The following SLC38A10 variants were observed in gnomAD, a reference collection of about 807,000 sequenced individuals.
The protein encoded by SLC38A10 is solute carrier family 38 member 10.
A neutral mutation model predicts 81.0 loss-of-function variants in SLC38A10; 53 were observed. The observed-to-expected ratio is 0.65, with a 90% confidence interval of 0.53 to 0.82. The LOEUF (loss-of-function observed/expected upper bound fraction) is 0.82. SLC38A10 is among the 40% of genes least tolerant of loss of function. The pLI, the probability that SLC38A10 is intolerant of heterozygous loss-of-function variation, is 0.00. For missense variants in SLC38A10, 1,471 were observed against 1,545.0 expected (o/e 0.95, Z 0.80); for synonymous variants, 665 against 655.3 (o/e 1.01, Z -0.23).
At chr17:81,250,789 C>T (rs2062903111) in intron 14 of SLC38A10, 7 of 978,030 alleles carry the variant, frequency 7.2e-6, no homozygotes, top group Admixed American at 1.1e-4. Flanking sequence ...GGCTCACAGA[C>T]GGGGCTGCTG....
chr17:81,256,600 C>G (rs2062974977), intron 11 of SLC38A10, among the ~76,000 whole-genome samples: 1 of 152,222 alleles, frequency 6.6e-6, no homozygotes, highest in Non-Finnish European at 1.5e-5. Flanking sequence ...AAGTGCCGCC[C>G]CAAGTTCAGG....
intron 11 of SLC38A10, among the ~76,000 whole-genome samples, chr17:81,259,646 C>T (rs1207055323): frequency 6.6e-6 from 1 of 152,186 alleles, no homozygotes; most frequent in Non-Finnish European, 1.5e-5. Flanking sequence ...CATCTCTGCA[C>T]CCCGGGCTGT....
Position 81,276,005 on chromosome 17 carries a change from G to A in SLC38A10, c.876C>T (p.Cys292=). The change falls in exon 8 of 16, where the codon TGC becomes TGT. Residue 292 remains cysteine (C), a synonymous_variant. Transcript: ENST00000374759. This position sits in a 1 kb window ranked among gnomAD's most constrained non-coding sequence, Gnocchi z 4.7. ...ACAGCAGCGTGCTCAGGGCCTGCCT[G>A]CATGGCAGGATCATCATGGGGAAGC... is the stretch of plus-strand genomic sequence containing the variant. ...AVGFPMMILP[C]RQALSTLLCE... 1 of 1,613,666 alleles carries A rather than the reference G, an allele frequency of 6.2e-7. No individual in the cohort carries two copies. Among genetic ancestry groups the A allele is most frequent in the Non-Finnish European group, 8.5e-7 (1 of 1,179,984 alleles).
In SLC38A10 at chr17:81,253,709, CCATCACCAT is replaced by C. The variant is rs1441169570; in HGVS notation, c.1289-478_1289-470del. On this transcript the variant is annotated intron_variant, in intron 11 of 15. Transcript: ENST00000374759. This position sits in a 1 kb window ranked among gnomAD's most constrained non-coding sequence, Gnocchi z 4.1. ...ACCAACATCACCATCATCACCATCA[CCATCACCAT>C]CATCACCATCTCCATCCCTACCACC... 6.7e-6 allele frequency among the ~76,000 whole-genome samples: 1 copy of C among 149,736 alleles called. No homozygotes were observed. Among genetic ancestry groups the C allele is most frequent in the Non-Finnish European group, 1.5e-5 (1 of 67,426 alleles).
Position 81,253,762 on chromosome 17 carries a change from G to A in SLC38A10, c.1289-522C>T, listed in dbSNP as rs200625603. Among the ~76,000 whole-genome samples the A allele has an allele frequency of 0.011, 487 of 45,140 alleles. 7 individuals carry two copies. Among genetic ancestry groups the A allele is most frequent in the African/African-American group, 0.019 (78 of 4,090 alleles). 29.6% of individuals were successfully genotyped at this position (45,140 alleles called of 152,430 possible). On this transcript the variant is annotated intron_variant, in intron 11 of 15. Transcript: ENST00000374759. This position sits in a 1 kb window ranked among gnomAD's most constrained non-coding sequence, Gnocchi z 4.1. ...TACCACCATCACCATCATCATCACC[G>A]TCACCATCATCACCATCTCCATCCC... is the stretch of plus-strand genomic sequence containing the variant.
chr17:81,279,308 G>A (rs1214765892), intron 6 of SLC38A10, among the ~76,000 whole-genome samples: 1 of 152,258 alleles, frequency 6.6e-6, no homozygotes, highest in Non-Finnish European at 1.5e-5. Context: ...GAAGGCACAA[G>A]GGAGACCTGG....
intron 15 of SLC38A10, 60 bp from the exon 16 acceptor site, chr17:81,246,733 G>A: frequency 6.7e-7 from 1 of 1,498,854 alleles, no homozygotes; most frequent in South Asian, 1.4e-5. Context: ...GCCAGTGGAG[G>A]GGCTCAGAAG....
chr17:81,252,824 C>G, intron 12 of SLC38A10, 141 bp from the exon 13 acceptor site: 1 of 1,344,972 alleles, frequency 7.4e-7, no homozygotes, highest in Non-Finnish European at 9.9e-7. Context: ...CTGCCGGCCT[C>G]CCTGCTGCCT....
chr17:81,255,055 C>G (rs1007913545), intron 11 of SLC38A10, among the ~76,000 whole-genome samples: 15 of 152,268 alleles, frequency 9.9e-5, no homozygotes, highest in African/African-American at 3.1e-4. Flanking sequence ...AGGGGGAGCT[C>G]TGTGTGGGTG....
rs147135566 is a variant in SLC38A10 at position 81,252,237 on chromosome 17, C to T, written c.1903G>A (p.Ala635Thr). 28 of 1,546,934 alleles carry T rather than the reference C, an allele frequency of 1.8e-5. No homozygotes were observed. The African/African-American group carries it at 2.8e-4, about 15-fold the overall frequency. ...KAKGGPPPGN[A>T]AGDTGQPAED... ...GCGGGCTGCCCTGTGTCCCCGGCGG[C>T]GTTGCCTGGCGGCGGTCCCCCCTTG... is the stretch of plus-strand genomic sequence containing the variant. Residue 635 changes from alanine (A) to threonine (T), a missense_variant, in exon 13 of 16, where the codon GCC becomes ACC. Physicochemically the swap from Ala to Thr is moderately conservative, Grantham distance 58 (BLOSUM62 0). This residue lies in a region of SLC38A10 where 751 missense variants were observed against 717.4 expected (regional missense o/e 1.05). Transcript: ENST00000374759.
intron 3 of SLC38A10, among the ~76,000 whole-genome samples, chr17:81,284,149 G>C (rs1006968333): frequency 6.6e-6 from 1 of 151,932 alleles, no homozygotes; most frequent in African/African-American, 2.4e-5. Context: ...CCTGAGATCC[G>C]GAGTTCAAAA....
chr17:81,259,007 C>T (rs996605488), intron 11 of SLC38A10, among the ~76,000 whole-genome samples: 2 of 152,232 alleles, frequency 1.3e-5, no homozygotes, highest in African/African-American at 4.8e-5. Flanking sequence ...CCAGGAAGAC[C>T]CTCGGAGAGT....
chr17:81,273,217 T>C (rs944376820), intron 8 of SLC38A10, among the ~76,000 whole-genome samples: 8 of 152,268 alleles, frequency 5.3e-5, no homozygotes, highest in African/African-American at 1.9e-4. Flanking sequence ...TCTACTGATC[T>C]GCACCGGGAT....
chr17:81,285,490 G>A (rs1292532286), intron 2 of SLC38A10: 1 of 152,300 alleles, frequency 6.6e-6, no homozygotes, highest in Non-Finnish European at 1.5e-5. Context: ...TGCCGATGAG[G>A]AGCATGCGTT....
chr17:81,262,039 C>G (rs1349060616), intron 10 of SLC38A10, among the ~76,000 whole-genome samples: 1 of 152,168 alleles, frequency 6.6e-6, no homozygotes, highest in Non-Finnish European at 1.5e-5. Context: ...GTGGTGGTGT[C>G]TGGAAGGTGA....
chr17:81,250,863 C>A, intron 14 of SLC38A10: 3 of 1,045,660 alleles, frequency 2.9e-6, no homozygotes, highest in Non-Finnish European at 3.5e-6. Flanking sequence ...ACCCAAGGGG[C>A]GAGAAGTTTG....
chr17:81,252,364 T>C lies in SLC38A10; in HGVS notation c.1776A>G (p.Ala592=). The C allele has an allele frequency of 6.2e-7, 1 of 1,613,168 alleles. No individual in the cohort carries two copies. Among genetic ancestry groups the C allele is most frequent in the Non-Finnish European group, 8.5e-7 (1 of 1,179,996 alleles). Residue 592 remains alanine, a synonymous_variant, in exon 13 of 16, where the codon GCA becomes GCG. Transcript: ENST00000374759. The part of the protein sequence containing the change: ...EADGQPAVQP[A]KEDLGPGDRG... ...TGTCTCCTGGCCCCAGGTCCTCCTT[T>C]GCAGGCTGGACAGCTGGCTGACCAT...
In SLC38A10 at chr17:81,295,009, AC is replaced by A; in HGVS notation, c.-89del. The A allele has an allele frequency of 6.9e-7, 1 of 1,440,716 alleles. No homozygotes were observed. Among genetic ancestry groups the A allele is most frequent in the Non-Finnish European group, 9.2e-7 (1 of 1,092,094 alleles). The allele number at this position is 1,440,716 out of a possible 1,614,324, so 89.2% of individuals were successfully genotyped here. A position where few individuals can be genotyped will look rare whatever the true frequency, so the allele number is the denominator to read the frequency against. On this transcript the variant is annotated 5_prime_UTR_variant, in exon 1 of 16. Transcript: ENST00000374759. ...GGAAGCCCAGCCCGAGGCCACGGTC[AC>A]AGGTCCCAACGTCCGGGACGCCGGT...
intron 11 of SLC38A10, among the ~76,000 whole-genome samples, chr17:81,254,028 G>A (rs978131304): frequency 4.0e-5 from 6 of 151,660 alleles, no homozygotes; most frequent in African/African-American, 4.8e-5. Flanking sequence ...CTACATCACC[G>A]TCACCTCCAC....
Sources: allele counts gnomAD v4.1 joint callset (sites outside exome capture counted in the v4.1 genomes callset), GRCh38; gene constraint gnomAD v4.1.1; regional missense constraint gnomAD v4.1.1; non-coding constraint Gnocchi (gnomAD v3.1); transcripts MANE v1.5; gene names NCBI Gene and HGNC (gene_info 2026-07-23, HGNC 2026-07-21).